SRSF6: variants seen among roughly 807,000 people sequenced by gnomAD.
The protein encoded by SRSF6 is serine and arginine rich splicing factor 6.
Under a neutral mutation model 42.0 loss-of-function variants are expected in SRSF6, and 17 were observed. That is an observed-to-expected ratio of 0.40 (90% CI 0.28 to 0.61). The LOEUF (loss-of-function observed/expected upper bound fraction) is 0.61. Among genes scored for constraint, SRSF6 ranks in the 20% least tolerant of loss-of-function variants. The probability of loss-of-function intolerance (pLI) is 0.37; values close to 1 mark genes in which losing one functional copy is unlikely to be tolerated. For missense variants in SRSF6, 379 were observed against 471.4 expected (o/e 0.80, Z 1.81); for synonymous variants, 204 against 166.7 (o/e 1.22, Z -1.72).
chr20:43,459,715 A>C, intron 2 of SRSF6, 56 bp from the exon 3 acceptor site: 3 of 1,610,884 alleles, frequency 1.9e-6, no homozygotes, highest in Non-Finnish European at 2.5e-6. Context: ...ACTTTCAAAG[A>C]CATTATGCGT....
intron 1 of SRSF6, 110 bp downstream of exon 1, chr20:43,458,250 G>C (rs1452420797): frequency 1.4e-6 from 2 of 1,415,074 alleles, no homozygotes; most frequent in Non-Finnish European, 9.3e-7. Flanking sequence ...GGGCCTCAAA[G>C]ATGGCGACGG....
chr20:43,458,754 G>A (rs1294358106), intron 2 of SRSF6, among the ~76,000 whole-genome samples: 1 of 152,146 alleles, frequency 6.6e-6, no homozygotes. Flanking sequence ...CTGGCCCCTT[G>A]TCAGCACTGT....
rs1296475608 is a variant in SRSF6, at chr20:43,462,379, T to A, written c.*1316T>A. On this transcript the variant is annotated 3_prime_UTR_variant, in exon 6 of 6. Coordinates refer to ENST00000244020, the MANE Select transcript of SRSF6 (RefSeq NM_006275.6). ...GAGAAGTGAATTAACCTTACATCCC[T>A]TTGTTCAGATACCTTAAAAGTTACT... 6.6e-6 allele frequency: 1 copy of A among 152,216 alleles called. No homozygotes were observed. Among genetic ancestry groups the A allele is most frequent in the Non-Finnish European group, 1.5e-5 (1 of 68,036 alleles). 9.4% of individuals were successfully genotyped at this position (152,216 alleles called of 1,614,324 possible).
chr20:43,458,289 T>C (rs1177297113), intron 1 of SRSF6, 72 bp from the exon 2 acceptor site: 3 of 1,413,616 alleles, frequency 2.1e-6, no homozygotes, highest in Admixed American at 6.4e-5. Flanking sequence ...CGCGGTGGGG[T>C]ACGGGCGCGC....
intron 4 of SRSF6, 75 bp from the exon 5 acceptor site, chr20:43,460,440 A>G (rs1156274455): frequency 7.8e-5 from 117 of 1,506,260 alleles, no homozygotes; most frequent in Non-Finnish European, 9.8e-5. Flanking sequence ...TCTTTGGCTT[A>G]TCTATTTTTG....
chr20:43,461,043 A>G lies in SRSF6; in HGVS notation c.1015A>G (p.Arg339Gly), dbSNP rs376779164. Reference protein sequence around the residue: ...RSRSKSRSRSRSSSRD With the variant: ...RSRSKSRSRSGSSSRD ...TCGCTCAAAGTCAAGATCAAGGTCCAGGTCGAGTTCCAGAGATTAACTCAG... is the reference window on the plus strand; with the variant it reads ...TCGCTCAAAGTCAAGATCAAGGTCCGGGTCGAGTTCCAGAGATTAACTCAG... The change falls in exon 6 of 6, where the codon AGG becomes GGG. Residue 339 changes from arginine (R) to glycine (G), a missense_variant. Transcript: ENST00000244020. 5.0e-6 allele frequency: 8 copies of G among 1,589,242 alleles called. No homozygotes were observed. Among genetic ancestry groups the G allele is most frequent in the South Asian group, 1.1e-5 (1 of 87,286 alleles).
In SRSF6 at chr20:43,460,698, T is replaced by C; in HGVS notation, c.675-5T>C. ...TATTGAGAAAATCGGTCTTTCCTTG[T>C]CCAGTTCCAGGTCGCGGAGCAAAGG... is the stretch of plus-strand genomic sequence containing the variant. On this transcript the variant is annotated splice_region_variant and splice_polypyrimidine_tract_variant and intron_variant, in intron 5 of 5. Transcript: ENST00000244020. 6.2e-7 allele frequency: 1 copy of C among 1,613,230 alleles called. No homozygotes were observed. Among genetic ancestry groups the C allele is most frequent in the South Asian group, 1.1e-5 (1 of 91,056 alleles).
Position 43,463,329 on chromosome 20 carries a change from T to C in SRSF6, c.*2266T>C, listed in dbSNP as rs902564024. Reference sequence around the variant, plus strand: ...GCATAGGGTTGACTGATAAAATGTTTAATTCCCTTGCTAGCTTGTGAGAAG... The same window carrying C: ...GCATAGGGTTGACTGATAAAATGTTCAATTCCCTTGCTAGCTTGTGAGAAG... On this transcript the variant is annotated 3_prime_UTR_variant, in exon 6 of 6. Transcript: ENST00000244020. The C allele has an allele frequency of 1.9e-5, 3 of 154,842 alleles. No individual in the cohort carries two copies. Among genetic ancestry groups the C allele is most frequent in the Admixed American group, 6.5e-5 (1 of 15,290 alleles). The allele number at this position is 154,842 out of a possible 1,614,324, so 9.6% of individuals were successfully genotyped here.
chr20:43,460,466 G>A (rs1330526151), intron 4 of SRSF6, 49 bp from the exon 5 acceptor site: 11 of 1,580,522 alleles, frequency 7.0e-6, no homozygotes, highest in Non-Finnish European at 8.7e-6. Flanking sequence ...TGGCACGGAT[G>A]TATTTAAGTT....
chr20:43,461,036 A>G lies in SRSF6; in HGVS notation c.1008A>G (p.Ser336=). 6.3e-7 allele frequency: 1 copy of G among 1,598,662 alleles called. No homozygotes were observed. Among genetic ancestry groups the G allele is most frequent in the Non-Finnish European group, 8.5e-7 (1 of 1,173,556 alleles). The part of the protein sequence containing the change: ...SRSRSRSKSR[S]RSRSSSRD ...CTAGATCTCGCTCAAAGTCAAGATCAAGGTCCAGGTCGAGTTCCAGAGATT... is the reference window on the plus strand; with the variant it reads ...CTAGATCTCGCTCAAAGTCAAGATCGAGGTCCAGGTCGAGTTCCAGAGATT... The change falls in exon 6 of 6, where the codon TCA becomes TCG. Residue 336 remains serine (S), a synonymous_variant. Coordinates refer to ENST00000244020, the MANE Select transcript of SRSF6 (RefSeq NM_006275.6).
chr20:43,460,975 C>G lies in SRSF6; in HGVS notation c.947C>G (p.Ser316Cys), dbSNP rs748818458. 6 of 1,613,658 alleles carry G rather than the reference C, an allele frequency of 3.7e-6. No homozygotes were observed. In the African/African-American group the frequency reaches 4.0e-5, roughly 11 times the overall value. The change falls in exon 6 of 6, where the codon TCC (serine) becomes TGC (cysteine). Residue 316 changes from serine (S) to cysteine (C), a missense_variant. Physicochemically the swap from Ser to Cys is moderately radical, Grantham distance 112. Around this residue, in one of 3 missense-constraint regions of SRSF6, gnomAD observed 219 missense variants for 216.1 expected, o/e 1.01. Coordinates refer to ENST00000244020, the MANE Select transcript of SRSF6 (RefSeq NM_006275.6). The stretch of plus-strand genomic sequence containing the variant: ...CCACCCTCAAAGGCCCGTTCTGTGT[C>G]CCCTCCACCAAAAAGAGCTACTTCA... ...PVPPSKARSV[S>C]PPPKRATSRS...
At position 43,458,403 on chromosome 20, in the gene SRSF6, C is replaced by A; in HGVS notation, c.150C>A (p.Asp50Glu). Reference protein sequence around the residue: ...VEFEDSRDADDAVYELNGKEL... With the variant: ...VEFEDSRDADEAVYELNGKEL... ...TCGAGGACTCCCGCGACGCCGACGA[C>A]GCCGTTTACGAGCTGAACGGCAAGG... Residue 50 changes from aspartate (D) to glutamate (E), a missense_variant, in exon 2 of 6, where the codon GAC becomes GAA. Physicochemically the swap from Asp to Glu is conservative, Grantham distance 45. Around this residue, in one of 3 missense-constraint regions of SRSF6, gnomAD observed 117 missense variants for 146.8 expected, o/e 0.80. Coordinates refer to ENST00000244020, the MANE Select transcript of SRSF6 (RefSeq NM_006275.6). 1 of 1,555,172 alleles carries A rather than the reference C, an allele frequency of 6.4e-7. No homozygotes were observed. The highest frequency in any genetic ancestry group is 8.7e-7 in the Non-Finnish European group (1 of 1,154,754).
chr20:43,459,057 TG>T, intron 2 of SRSF6: 3 of 1,155,460 alleles, frequency 2.6e-6, no homozygotes, highest in Non-Finnish European at 2.3e-6. Context: ...GGGAGGAGGT[TG>T]GGGGGATTTT....
At chr20:43,459,924 A>C (rs776785953) in intron 3 of SRSF6, 29 bp downstream of exon 3, 1 of 1,600,592 alleles carries the variant, frequency 6.2e-7, no homozygotes, top group South Asian at 1.1e-5. Context: ...GATAGAAATG[A>C]TATGACTAAT....
chr20:43,459,952 T>A, intron 3 of SRSF6, 57 bp downstream of exon 3: 1 of 1,602,770 alleles, frequency 6.2e-7, no homozygotes. Context: ...AGTAAACTCC[T>A]TTTATATTCT....
rs767348594 is a variant in SRSF6, at chr20:43,460,532, G to A, written c.608G>A (p.Arg203Gln). 26 of 1,613,924 alleles carry A rather than the reference G, an allele frequency of 1.6e-5. No individual in the cohort carries two copies. Among genetic ancestry groups the A allele is most frequent in the South Asian group, 6.6e-5 (6 of 91,090 alleles). The change falls in exon 5 of 6, where the codon CGG becomes CAG. Residue 203 changes from arginine to glutamine, a missense_variant. Arg to Gln is a conservative substitution (Grantham distance 43). Around this residue, in one of 3 missense-constraint regions of SRSF6, gnomAD observed 219 missense variants for 216.1 expected, o/e 1.01. Coordinates refer to ENST00000244020, the MANE Select transcript of SRSF6 (RefSeq NM_006275.6). Reference protein sequence around the residue: ...GSRSRSRSRRRSRSRSRRSSR... With the variant: ...GSRSRSRSRRQSRSRSRRSSR... ...CCTAATAGGTCTCGATCTAGAAGAC[G>A]GTCACGAAGTAGGAGTCGCAGGAGC...
chr20:43,461,334 G>GTTTTTTTTTTTTTTTTTT lies in SRSF6; in HGVS notation c.*273_*274insTTTTTTTTTTTTTTTTTT, dbSNP rs1196378267. 13 of 56,458 alleles carry GTTTTTTTTTTTTTTTTTT rather than the reference G, an allele frequency of 2.3e-4. 1 individual carries two copies. Among genetic ancestry groups the GTTTTTTTTTTTTTTTTTT allele is most frequent in the African/African-American group, 9.6e-4 (13 of 13,540 alleles). 3.5% of individuals were successfully genotyped at this position (56,458 alleles called of 1,614,324 possible). The stretch of plus-strand genomic sequence containing the variant: ...TTTGTAAAGATTAAGCTCATTTAGT[G>GTTTTTTTTTTTTTTTTTT]TTGTTTTTTTTTTTTTTTTTTTTTT... On this transcript the variant is annotated 3_prime_UTR_variant, in exon 6 of 6. Transcript: ENST00000244020.
chr20:43,460,962 G>C lies in SRSF6; in HGVS notation c.934G>C (p.Ala312Pro), dbSNP rs1483296431. The change falls in exon 6 of 6, where the codon GCC (alanine) becomes CCC (proline). Residue 312 changes from alanine (A) to proline (P), a missense_variant. Ala to Pro is a conservative substitution (Grantham distance 27). This residue lies in a region of SRSF6 where 219 missense variants were observed against 216.1 expected (regional missense o/e 1.01). Transcript: ENST00000244020. Reference protein sequence around the residue: ...NSPLPVPPSKARSVSPPPKRA... With the variant: ...NSPLPVPPSKPRSVSPPPKRA... The stretch of plus-strand genomic sequence containing the variant: ...GCCGCTACCTGTTCCACCCTCAAAG[G>C]CCCGTTCTGTGTCCCCTCCACCAAA... 1.9e-6 allele frequency: 3 copies of C among 1,613,908 alleles called. No individual in the cohort carries two copies. The African/African-American group carries it at 4.0e-5, about 22-fold the overall frequency.
At position 43,460,444 on chromosome 20, in the gene SRSF6, A is replaced by G. The variant is rs190115987; in HGVS notation, c.591-71A>G. On this transcript the variant is annotated intron_variant, in intron 4 of 5. Coordinates refer to ENST00000244020, the MANE Select transcript of SRSF6 (RefSeq NM_006275.6). ...AAAAACATTATTCTTTGGCTTATCT[A>G]TTTTTGCCAGATGGCACGGATGTAT... 9.6e-5 allele frequency: 147 copies of G among 1,533,312 alleles called. No individual in the cohort carries two copies. In the African/African-American group the frequency reaches 1.6e-3, roughly 16 times the overall value. The allele number at this position is 1,533,312 out of a possible 1,614,324, so 95.0% of individuals were successfully genotyped here. A position where few individuals can be genotyped will look rare whatever the true frequency, so the allele number is the denominator to read the frequency against.
Sources: gnomAD v4.1 joint callset for allele counts (sites outside exome capture counted in the v4.1 genomes callset) on GRCh38, gnomAD v4.1.1 for gene constraint, gnomAD v4.1.1 regional missense constraint, MANE v1.5 for transcripts, NCBI Gene and HGNC (gene_info 2026-07-23, HGNC 2026-07-21) for gene names.